The following CSMD2 variants were observed in gnomAD, a reference collection of about 807,000 sequenced individuals.
CSMD2 encodes CUB and Sushi multiple domains 2, also known as CUB and sushi domain-containing protein 2.
CSMD2 carries 130 observed loss-of-function variants against 398.5 expected under a neutral mutation model. The observed-to-expected ratio is 0.33, with a 90% CI of 0.28 to 0.38. The LOEUF (loss-of-function observed/expected upper bound fraction) is 0.38, where lower values mean the gene tolerates loss of function less well. Among genes scored for constraint, CSMD2 ranks in the 10% least tolerant of loss-of-function variants. The pLI is 1.00. For missense variants in CSMD2, 3,829 were observed against 4,764.9 expected, an observed-to-expected ratio of 0.80 and a Z score of 5.78; for synonymous variants, 1,828 against 1,908.5, an observed-to-expected ratio of 0.96 and a Z score of 1.10.
intron 5 of CSMD2, among the ~76,000 whole-genome samples, chr1:33,904,579 G>C (rs977369717): frequency 1.3e-5 from 2 of 151,512 alleles, no homozygotes; most frequent in Admixed American, 1.3e-4. Flanking sequence ...ATAGATAGTG[G>C]TGTTATCCAC....
At chr1:34,079,500 T>C (rs1656811994) in intron 2 of CSMD2, among the ~76,000 whole-genome samples, 1 of 152,184 alleles carries the variant, frequency 6.6e-6, no homozygotes, top group South Asian at 2.1e-4. Flanking sequence ...TTAAAAAATT[T>C]CCATGTCAAG....
chr1:33,792,281 G>A (rs1332884893), intron 11 of CSMD2, 142 bp downstream of exon 11: 2 of 667,106 alleles, frequency 3.0e-6, no homozygotes, highest in Admixed American at 2.3e-5. Context: ...GAGGTAGAAG[G>A]ATTATTGCTG....
At position 34,160,797 on chromosome 1, in the gene CSMD2, T is replaced by C. The variant is rs143904655; in HGVS notation, c.187+4114A>G. Among the ~76,000 whole-genome samples, 500 of 152,308 alleles carry C rather than the reference T, an allele frequency of 3.3e-3. 3 individuals are homozygous for C. The highest frequency in any genetic ancestry group is 9.1e-3 in the African/African-American group (377 of 41,566). ...ACATTGAGTACAGTCAGTGCTCTAG[T>C]CTACAAGAGGCTGACTAAAAGCAAG... On this transcript the variant is annotated intron_variant, in intron 1 of 70. Transcript: ENST00000373381.
At chr1:34,123,469 G>A (rs991508709) in intron 1 of CSMD2, among the ~76,000 whole-genome samples, 2 of 151,760 alleles carry the variant, frequency 1.3e-5, no homozygotes, top group African/African-American at 4.8e-5. Context: ...ACTGGTAAAC[G>A]TATGTGTTTC....
At chr1:33,887,966 C>T (rs371219352) in intron 5 of CSMD2, among the ~76,000 whole-genome samples, 2 of 151,550 alleles carry the variant, frequency 1.3e-5, no homozygotes, top group East Asian at 1.9e-4. Context: ...TATTTACCAG[C>T]AATAAGCAAC....
intron 5 of CSMD2, chr1:33,864,777 T>C: frequency 6.4e-7 from 1 of 1,567,512 alleles, no homozygotes; most frequent in Non-Finnish European, 8.7e-7. Context: ...AAAAACAAAA[T>C]GCCATTCAAC....
At chr1:33,704,010 T>A (rs1200496636) in intron 22 of CSMD2, among the ~76,000 whole-genome samples, 1 of 152,212 alleles carries the variant, frequency 6.6e-6, no homozygotes, top group African/African-American at 2.4e-5. Flanking sequence ...TGTGCATCCA[T>A]GAGAATGAAA....
At chr1:34,086,229 T>C (rs983415918) in intron 2 of CSMD2, among the ~76,000 whole-genome samples, 5 of 152,012 alleles carry the variant, frequency 3.3e-5, no homozygotes, top group Non-Finnish European at 7.4e-5. Context: ...TCAACATTCA[T>C]CAAAAGTCTA....
intron 10 of CSMD2, among the ~76,000 whole-genome samples, chr1:33,806,363 C>A (rs1046181652): frequency 2.0e-5 from 3 of 152,162 alleles, no homozygotes; most frequent in Non-Finnish European, 4.4e-5. Context: ...AACCTCCATA[C>A]TGAGAATTTT....
At chr1:33,758,260 C>T (rs750305823) in intron 13 of CSMD2, among the ~76,000 whole-genome samples, 2 of 152,196 alleles carry the variant, frequency 1.3e-5, no homozygotes, top group Non-Finnish European at 2.9e-5. Flanking sequence ...TCGCTCCTCC[C>T]CCACTTACCC....
intron 58 of CSMD2, among the ~76,000 whole-genome samples, 176 bp downstream of exon 58, chr1:33,542,544 G>A (rs1038856674): frequency 6.6e-6 from 1 of 152,210 alleles, no homozygotes; most frequent in Non-Finnish European, 1.5e-5. Flanking sequence ...AAAGTACTTC[G>A]CTCAGTGGCT....
intron 51 of CSMD2, among the ~76,000 whole-genome samples, chr1:33,570,821 C>A (rs752437005): frequency 2.8e-4 from 43 of 152,162 alleles, no homozygotes; most frequent in Non-Finnish European, 1.9e-4. Context: ...CTTGCTCCAA[C>A]TTGTGACAAT....
chr1:34,161,379 G>A (rs1408302218), intron 1 of CSMD2, among the ~76,000 whole-genome samples: 1 of 152,214 alleles, frequency 6.6e-6, no homozygotes, highest in Non-Finnish European at 1.5e-5. Flanking sequence ...TAGTGAAAGG[G>A]TTGGGCAAGG....
In CSMD2 at chr1:33,624,934, C is replaced by A. The variant is rs995942686; in HGVS notation, c.5500+117G>T. 9.3e-7 allele frequency: 1 copy of A among 1,071,234 alleles called. No homozygotes were observed. The highest frequency in any genetic ancestry group is 1.4e-6 in the Non-Finnish European group (1 of 717,808). 66.4% of individuals were successfully genotyped at this position (1,071,234 alleles called of 1,614,324 possible). On this transcript the variant is annotated intron_variant, in intron 34 of 70. Transcript: ENST00000373381. The surrounding 1 kb of genome is among the most constrained non-coding windows in gnomAD (Gnocchi z 4.7). ...ACTGGGACACCCCACCTCAGCCATG[C>A]GGTGGGAAGCGGCTGCTGTGTGTCG...
At chr1:33,524,790 T>C in intron 66 of CSMD2, 92 bp downstream of exon 66, 2 of 1,317,438 alleles carry the variant, frequency 1.5e-6, no homozygotes, top group Non-Finnish European at 1.1e-6. Context: ...GAGCCTTGCA[T>C]GACAGTATGA....
intron 2 of CSMD2, among the ~76,000 whole-genome samples, chr1:34,053,460 A>G (rs1483477674): frequency 6.6e-6 from 1 of 152,116 alleles, no homozygotes; most frequent in Non-Finnish European, 1.5e-5. Context: ...AGAAAGCTCC[A>G]AGGAAGGTTA....
chr1:33,642,872 C>T (rs1450160057), intron 29 of CSMD2, among the ~76,000 whole-genome samples: 1 of 152,172 alleles, frequency 6.6e-6, no homozygotes, highest in African/African-American at 2.4e-5. Context: ...CTGCTTCTCA[C>T]TTGGGAAGCT....
chr1:34,033,842 G>A lies in CSMD2; in HGVS notation c.405-1136C>T, dbSNP rs557685066. 5.2e-4 allele frequency among the ~76,000 whole-genome samples: 79 copies of A among 152,258 alleles called. 1 individual carries two copies. In the Middle Eastern group the frequency reaches 0.01, roughly 20 times the overall value. On this transcript the variant is annotated intron_variant, in intron 2 of 70. Coordinates refer to ENST00000373381, the MANE Select transcript of CSMD2 (RefSeq NM_001281956.2). ...CTCAGATGAGTTAAACCAGATATTTGTTAACAGACACTGTGAAAACCCTTA... is the reference window on the plus strand; with the variant it reads ...CTCAGATGAGTTAAACCAGATATTTATTAACAGACACTGTGAAAACCCTTA...
intron 3 of CSMD2, among the ~76,000 whole-genome samples, chr1:34,004,353 TTC>T (rs1309477202): frequency 6.6e-6 from 1 of 152,222 alleles, no homozygotes; most frequent in Non-Finnish European, 1.5e-5. Flanking sequence ...TGAGTAGGCC[TTC>T]TCTCATACAG....
Sources: gnomAD v4.1 joint callset for allele counts (sites outside exome capture counted in the v4.1 genomes callset) on GRCh38, gnomAD v4.1.1 for gene constraint, Gnocchi (gnomAD v3.1) non-coding constraint, MANE v1.5 for transcripts, NCBI Gene and HGNC (gene_info 2026-07-23, HGNC 2026-07-21) for gene names.